Variants in GK5 observed in about 807,000 individuals in gnomAD.
The protein encoded by GK5 is ATP:glycerol 3-phosphotransferase 5.
In GK5, 39 loss-of-function variants were observed where a neutral mutation model predicts 77.3. The observed-to-expected ratio is 0.50, with a 90% confidence interval of 0.39 to 0.66. The LOEUF (loss-of-function observed/expected upper bound fraction) is 0.66, where lower values mean the gene tolerates loss of function less well. Ranked by LOEUF, GK5 falls within the 30% of genes least tolerant of loss-of-function variation. The probability of loss-of-function intolerance (pLI) is 0.00; values close to 1 mark genes in which losing one functional copy is unlikely to be tolerated. For synonymous variants in GK5, 211 were observed against 208.0 expected (o/e 1.01, Z -0.13); for missense variants, 487 against 633.8 (o/e 0.77, Z 2.49).
intron 3 of GK5, among the ~76,000 whole-genome samples, chr3:142,207,194 G>C (rs1311625152): frequency 6.6e-6 from 1 of 152,218 alleles, no homozygotes; most frequent in Non-Finnish European, 1.5e-5. Context: ...AATGGAATGT[G>C]ACCCTTGTGG....
At chr3:142,211,015 G>A (rs1012665309) in intron 3 of GK5, among the ~76,000 whole-genome samples, 3 of 152,186 alleles carry the variant, frequency 2.0e-5, no homozygotes, top group African/African-American at 7.2e-5. Flanking sequence ...AAATTTGGTG[G>A]GAGCAGGGAC....
intron 7 of GK5, 90 bp downstream of exon 7, chr3:142,186,362 T>A: frequency 1.0e-6 from 1 of 990,410 alleles, no homozygotes; most frequent in South Asian, 1.6e-5. Flanking sequence ...GATATATTTG[T>A]CAATTAAAAA....
At chr3:142,220,160 C>G (rs1204803270) in intron 1 of GK5, among the ~76,000 whole-genome samples, 1 of 151,824 alleles carries the variant, frequency 6.6e-6, no homozygotes, top group African/African-American at 2.4e-5. Flanking sequence ...TTTTTTGAGA[C>G]GGAGTCTCGC....
intron 5 of GK5, among the ~76,000 whole-genome samples, chr3:142,190,459 A>G (rs1388002518): frequency 6.6e-6 from 1 of 152,242 alleles, no homozygotes; most frequent in Non-Finnish European, 1.5e-5. Flanking sequence ...GGCTTTCAGA[A>G]AAAAAGATAA....
intron 4 of GK5, among the ~76,000 whole-genome samples, 199 bp from the exon 5 acceptor site, chr3:142,199,132 T>C (rs780062333): frequency 2.0e-5 from 3 of 152,166 alleles, no homozygotes; most frequent in African/African-American, 4.8e-5. Context: ...AAATGCAACA[T>C]ATCTACTTTG....
intron 5 of GK5, among the ~76,000 whole-genome samples, chr3:142,196,076 A>C (rs2063927926): frequency 6.6e-6 from 1 of 152,042 alleles, no homozygotes; most frequent in Admixed American, 6.6e-5. Context: ...ATTTCTAGGA[A>C]ATTTTTCATT....
In GK5 at chr3:142,213,100, C is replaced by T. The variant is rs1052452902; in HGVS notation, c.317+426G>A. ...CCGCCCACCTCGGCCTCCCAAAGTG[C>T]TGGGATTACAGGCGTGAGCCACCGC... On this transcript the variant is annotated intron_variant, in intron 3 of 15. Coordinates refer to ENST00000392993, the MANE Select transcript of GK5 (RefSeq NM_001039547.3). Among the ~76,000 whole-genome samples, 69 of 152,060 alleles carry T rather than the reference C, an allele frequency of 4.5e-4. 3 individuals are homozygous for T. Among genetic ancestry groups the T allele is most frequent in the Non-Finnish European group, 7.4e-5 (5 of 68,014 alleles).
rs1399191009 is a variant in GK5 at position 142,159,849 on chromosome 3, C to CTTTTTTT, written c.*5772_*5773insAAAAAAA. The CTTTTTTT allele has an allele frequency of 9.5e-6, 1 of 104,828 alleles. No individual in the cohort carries two copies. The highest frequency in any genetic ancestry group is 4.1e-5 in the African/African-American group (1 of 24,634). The allele number at this position is 104,828 out of a possible 1,614,324, so 6.5% of individuals were successfully genotyped here. A position where few individuals can be genotyped will look rare whatever the true frequency, so the allele number is the denominator to read the frequency against. On this transcript the variant is annotated 3_prime_UTR_variant, in exon 16 of 16. Coordinates refer to ENST00000392993, the MANE Select transcript of GK5 (RefSeq NM_001039547.3). ...GGGCTTTCTCTCTCTCTCTCTCTCT[C>CTTTTTTT]TCTCTTTTTTTTTTTTGAGACAGAG...
intron 1 of GK5, among the ~76,000 whole-genome samples, 177 bp from the exon 2 acceptor site, chr3:142,215,869 C>T (rs1201179613): frequency 2.0e-5 from 3 of 151,992 alleles, no homozygotes; most frequent in Non-Finnish European, 4.4e-5. Context: ...TATGCCAACA[C>T]CAAATAGCAG....
chr3:142,214,162 T>C (rs2064238585), intron 2 of GK5, among the ~76,000 whole-genome samples: 1 of 152,170 alleles, frequency 6.6e-6, no homozygotes. Context: ...GCTTTTTTTG[T>C]TTTAGGTGCT....
chr3:142,225,574 C>G lies in GK5; in HGVS notation c.-119G>C. 1 of 1,286,472 alleles carries G rather than the reference C, an allele frequency of 7.8e-7. No homozygotes were observed. Among genetic ancestry groups the G allele is most frequent in the Non-Finnish European group, 1.0e-6 (1 of 966,206 alleles). 79.7% of individuals were successfully genotyped at this position (1,286,472 alleles called of 1,614,324 possible). A position where few individuals can be genotyped will look rare whatever the true frequency, so the allele number is the denominator to read the frequency against. On this transcript the variant is annotated 5_prime_UTR_variant, in exon 1 of 16. Coordinates refer to ENST00000392993, the MANE Select transcript of GK5 (RefSeq NM_001039547.3). ...CCCCAACCCGGCTCAGCCGGAGAGC[C>G]TAGAGAGGCCTGGCCCCTGCCGCCG...
At chr3:142,215,282 G>A (rs920003534) in intron 2 of GK5, among the ~76,000 whole-genome samples, 4 of 152,172 alleles carry the variant, frequency 2.6e-5, no homozygotes, top group Non-Finnish European at 4.4e-5. Flanking sequence ...TGTAACTTCT[G>A]TTTATAATCC....
chr3:142,204,824 T>A (rs1384965602), intron 3 of GK5, 36 bp from the exon 4 acceptor site: 3 of 1,143,294 alleles, frequency 2.6e-6, no homozygotes, highest in Non-Finnish European at 1.3e-6. Flanking sequence ...AGACCCAGCA[T>A]AAATCAGAGA....
intron 15 of GK5, among the ~76,000 whole-genome samples, chr3:142,168,829 A>T: frequency 6.8e-6 from 1 of 147,046 alleles, no homozygotes; most frequent in Non-Finnish European, 1.5e-5. Flanking sequence ...ACCTCTATGT[A>T]CCTCTCCCAC....
intron 3 of GK5, among the ~76,000 whole-genome samples, chr3:142,208,703 A>C (rs1250249891): frequency 6.6e-6 from 1 of 152,214 alleles, no homozygotes; most frequent in Non-Finnish European, 1.5e-5. Context: ...TTTCAGCAAA[A>C]ATTTATAAGC....
rs1232724460 is a variant in GK5 at position 142,165,474 on chromosome 3, G to GT, written c.*147dup. 9 of 553,656 alleles carry GT rather than the reference G, an allele frequency of 1.6e-5. No individual in the cohort carries two copies. The East Asian group carries it at 2.2e-4, about 13-fold the overall frequency. 34.3% of individuals were successfully genotyped at this position (553,656 alleles called of 1,614,324 possible). ...AAATAAGAGTTTTTTGTTCCGTTTTGTTTTTTTAAAAGCAATGCTTCTTAA... is the reference window on the plus strand; with the variant it reads ...AAATAAGAGTTTTTTGTTCCGTTTTGTTTTTTTTAAAAGCAATGCTTCTTAA... On this transcript the variant is annotated 3_prime_UTR_variant, in exon 16 of 16. Transcript: ENST00000392993.
At chr3:142,184,982 G>T in intron 9 of GK5, 1 of 985,498 alleles carries the variant, frequency 1.0e-6, no homozygotes, top group Non-Finnish European at 1.2e-6. Context: ...TAATGATTTT[G>T]TAACTTGGAA....
intron 1 of GK5, among the ~76,000 whole-genome samples, chr3:142,219,985 C>A (rs534099451): frequency 6.6e-6 from 1 of 152,288 alleles, no homozygotes; most frequent in Non-Finnish European, 1.5e-5. Context: ...AATCAATAAA[C>A]AAATTTCATA....
At position 142,184,911 on chromosome 3, in the gene GK5, A is replaced by G. The variant is rs2063747822; in HGVS notation, c.816+1018T>C. The G allele has an allele frequency of 6.1e-6, 6 of 985,364 alleles. No homozygotes were observed. In the African/African-American group the frequency reaches 8.7e-5, roughly 14 times the overall value. 61.0% of individuals were successfully genotyped at this position (985,364 alleles called of 1,614,324 possible). On this transcript the variant is annotated intron_variant, in intron 9 of 15. Transcript: ENST00000392993. ...TCACTAATTGGTAACTCTTCCAGCC[A>G]TACCTTAATCTAACCCTGCACCTAT... is the stretch of plus-strand genomic sequence containing the variant.
Sources: allele counts gnomAD v4.1 joint callset (sites outside exome capture counted in the v4.1 genomes callset), GRCh38; gene constraint gnomAD v4.1.1; transcripts MANE v1.5; gene names NCBI Gene and HGNC (gene_info 2026-07-23, HGNC 2026-07-21).